RGS7: variants seen among roughly 807,000 people sequenced by gnomAD.
RGS7 encodes the protein regulator of G-protein signaling 7.
A neutral mutation model predicts 81.1 loss-of-function variants in RGS7; 27 were observed. That is an observed-to-expected ratio of 0.33 (90% confidence interval 0.25 to 0.46). The LOEUF (loss-of-function observed/expected upper bound fraction) is 0.46, where lower values mean the gene tolerates loss of function less well. RGS7 is among the 20% of genes least tolerant of loss of function. The pLI, the probability that RGS7 is intolerant of heterozygous loss-of-function variation, is 1.00. For missense variants in RGS7, 396 were observed against 607.4 expected (o/e 0.65, Z 3.66); for synonymous variants, 208 against 207.7 (o/e 1.00, Z -0.01).
At chr1:241,020,593 GT>G (rs2148692875) in intron 3 of RGS7, among the ~76,000 whole-genome samples, 1 of 152,088 alleles carries the variant, frequency 6.6e-6, no homozygotes, top group East Asian at 1.9e-4. Context: ...ACATTCACAG[GT>G]TCTCAAAATT....
chr1:240,996,918 A>AT (rs1418899385), intron 3 of RGS7, among the ~76,000 whole-genome samples: 1 of 151,268 alleles, frequency 6.6e-6, no homozygotes. Flanking sequence ...TTGCATTAAT[A>AT]TTTTTTAAAA....
rs1015123839 is a variant in RGS7 at position 241,036,835 on chromosome 1, T to C, written c.176-53706A>G. 5.3e-5 allele frequency among the ~76,000 whole-genome samples: 8 copies of C among 152,262 alleles called. No individual in the cohort carries two copies. The East Asian group carries it at 1.5e-3, about 29-fold the overall frequency. On this transcript the variant is annotated intron_variant, in intron 3 of 18. Coordinates refer to ENST00000440928, the MANE Select transcript of RGS7 (RefSeq NM_001364886.1). ...CCAATGTAAGGTGAACAGAAATGTT[T>C]AGTCCTTCTCTATAAAAAACCTCCA... is the stretch of plus-strand genomic sequence containing the variant.
chr1:241,340,470 A>G (rs1487623536), intron 2 of RGS7, among the ~76,000 whole-genome samples: 2 of 152,198 alleles, frequency 1.3e-5, no homozygotes, highest in African/African-American at 2.4e-5. Flanking sequence ...GATATTCCTT[A>G]AAGAATTTAT....
At chr1:241,093,408 T>C (rs535545199) in intron 3 of RGS7, among the ~76,000 whole-genome samples, 3 of 152,310 alleles carry the variant, frequency 2.0e-5, no homozygotes, top group African/African-American at 7.2e-5. Context: ...GTATATGTAA[T>C]CTATTTCCCC....
Position 241,130,958 on chromosome 1 carries a change from A to T in RGS7, c.79-32196T>A, listed in dbSNP as rs1447606427. Among the ~76,000 whole-genome samples the T allele has an allele frequency of 4.6e-5, 7 of 151,346 alleles. No homozygotes were observed. In the East Asian group the frequency reaches 1.4e-3, roughly 29 times the overall value. On this transcript the variant is annotated intron_variant, in intron 2 of 18. Transcript: ENST00000440928. Reference sequence around the variant, plus strand: ...AAAAAAAAAAAAACCAAGAGGCCAGATAATTCTACTCTGGAAGAACTGGCT... The same window carrying T: ...AAAAAAAAAAAAACCAAGAGGCCAGTTAATTCTACTCTGGAAGAACTGGCT...
At chr1:241,267,854 A>G (rs2077673359) in intron 2 of RGS7, among the ~76,000 whole-genome samples, 1 of 152,130 alleles carries the variant, frequency 6.6e-6, no homozygotes, top group South Asian at 2.1e-4. Context: ...GAGGTTTTTG[A>G]AGCATTCTTT....
chr1:241,151,565 CTTTTTTTTTTT>C (rs58097674), intron 2 of RGS7, among the ~76,000 whole-genome samples: 6 of 116,478 alleles, frequency 5.2e-5, no homozygotes, highest in African/African-American at 2.0e-4. Flanking sequence ...ATTAGGAACT[CTTTTTTTTTTT>C]TTTTTTTTTT....
chr1:240,861,736 AT>A (rs921543984), intron 9 of RGS7, among the ~76,000 whole-genome samples: 5 of 151,276 alleles, frequency 3.3e-5, no homozygotes, highest in South Asian at 4.2e-4. Context: ...TAATTTCACA[AT>A]TTTTTTTTGT....
intron 18 of RGS7, among the ~76,000 whole-genome samples, chr1:240,784,277 G>A (rs560434418): frequency 2.6e-5 from 4 of 152,172 alleles, no homozygotes; most frequent in African/African-American, 4.8e-5. Context: ...CAGAAATAAA[G>A]GGGCAGATTT....
chr1:240,911,086 C>G (rs1342734925), intron 6 of RGS7, among the ~76,000 whole-genome samples: 5 of 152,166 alleles, frequency 3.3e-5, no homozygotes, highest in Non-Finnish European at 7.4e-5. Flanking sequence ...GTGCCAGACG[C>G]ATTTATTGTC....
intron 10 of RGS7, among the ~76,000 whole-genome samples, chr1:240,822,073 G>A (rs764903658): frequency 7.2e-5 from 11 of 152,150 alleles, no homozygotes; most frequent in Non-Finnish European, 1.5e-4. Context: ...GTGTTTATTG[G>A]ATGGGATTAA....
At chr1:240,935,339 A>G (rs1676443921) in intron 5 of RGS7, among the ~76,000 whole-genome samples, 1 of 152,206 alleles carries the variant, frequency 6.6e-6, no homozygotes, top group Non-Finnish European at 1.5e-5. Context: ...ATCACCAATA[A>G]TTCCTAGTTA....
Position 241,066,221 on chromosome 1 carries a change from T to C in RGS7, c.175+32445A>G, listed in dbSNP as rs182154436. On this transcript the variant is annotated intron_variant, in intron 3 of 18. Transcript: ENST00000440928. ...TGAAGGTGTTCCTCATTTTCCCTCC[T>C]TGAGTCTGTCTATATGCAAGAATGG... 6.4e-4 allele frequency among the ~76,000 whole-genome samples: 98 copies of C among 152,332 alleles called. 1 individual carries two copies. Among genetic ancestry groups the C allele is most frequent in the African/African-American group, 2.3e-3 (96 of 41,580 alleles).
At chr1:241,198,923 A>C (rs2073281824) in intron 2 of RGS7, among the ~76,000 whole-genome samples, 2 of 152,204 alleles carry the variant, frequency 1.3e-5, no homozygotes, top group Non-Finnish European at 2.9e-5. Context: ...CGTATGCAAA[A>C]ATATTACAAA....
intron 2 of RGS7, among the ~76,000 whole-genome samples, chr1:241,138,796 C>T (rs575823380): frequency 6.6e-6 from 1 of 152,096 alleles, no homozygotes; most frequent in African/African-American, 2.4e-5. Context: ...AACAGCTTTC[C>T]ATGGTTTTCC....
intron 2 of RGS7, among the ~76,000 whole-genome samples, chr1:241,221,218 T>C (rs986997756): frequency 5.3e-5 from 8 of 152,016 alleles, no homozygotes; most frequent in Non-Finnish European, 8.8e-5. Context: ...AAAAGAGACA[T>C]GAATCTAAGC....
chr1:240,794,943 G>A (rs1211703364), intron 18 of RGS7, among the ~76,000 whole-genome samples: 3 of 152,132 alleles, frequency 2.0e-5, no homozygotes, highest in East Asian at 1.9e-4. Flanking sequence ...AGCACTTTGG[G>A]AGGCCGAGGC....
At position 240,986,645 on chromosome 1, in the gene RGS7, A is replaced by C. The variant is rs1158089696; in HGVS notation, c.176-3516T>G. On this transcript the variant is annotated intron_variant, in intron 3 of 18. Transcript: ENST00000440928. ...CGCCCAGGCTGGAGTGCAGTGGCGCAATCTCGGCTCACTGCAGGCTCCGCC... is the reference window on the plus strand; with the variant it reads ...CGCCCAGGCTGGAGTGCAGTGGCGCCATCTCGGCTCACTGCAGGCTCCGCC... 1.4e-3 allele frequency among the ~76,000 whole-genome samples: 2 copies of C among 1,390 alleles called. 1 individual carries two copies. The highest frequency in any genetic ancestry group is 2.3e-3 in the Non-Finnish European group (2 of 872). 0.9% of individuals were successfully genotyped at this position (1,390 alleles called of 152,430 possible). A position where few individuals can be genotyped will look rare whatever the true frequency, so the allele number is the denominator to read the frequency against.
intron 9 of RGS7, among the ~76,000 whole-genome samples, chr1:240,866,261 C>T (rs1406556727): frequency 1.3e-5 from 2 of 152,196 alleles, no homozygotes; most frequent in Non-Finnish European, 2.9e-5. Context: ...CCTGTAATCC[C>T]AGCACTTTGG....
Sources: gnomAD v4.1 joint callset for allele counts (sites outside exome capture counted in the v4.1 genomes callset) on GRCh38, gnomAD v4.1.1 for gene constraint, MANE v1.5 for transcripts, NCBI Gene and HGNC (gene_info 2026-07-23, HGNC 2026-07-21) for gene names.